The following MINDY4 variants were observed in gnomAD, a reference collection of about 807,000 sequenced individuals.
MINDY4 encodes MINDY lysine 48 deubiquitinase 4, also known as probable ubiquitin carboxyl-terminal hydrolase MINDY-4.
A neutral mutation model predicts 87.0 loss-of-function variants in MINDY4; 68 were observed. That is an observed-to-expected ratio of 0.78 (90% CI 0.64 to 0.96). MINDY4 has a LOEUF of 0.96. MINDY4 is among the 40% of genes least tolerant of loss of function. The pLI, the probability that MINDY4 is intolerant of heterozygous loss-of-function variation, is 0.00. For missense variants in MINDY4, 919 were observed against 928.2 expected, an observed-to-expected ratio of 0.99 and a Z score of 0.13; for synonymous variants, 379 against 363.2, an observed-to-expected ratio of 1.04 and a Z score of -0.50.
At chr7:30,889,929 A>G (rs1286498052) in intron 17 of MINDY4, among the ~76,000 whole-genome samples, 1 of 152,224 alleles carries the variant, frequency 6.6e-6, no homozygotes, top group Non-Finnish European at 1.5e-5. Context: ...TTGCACATCC[A>G]GATCTGTTTC....
intron 5 of MINDY4, among the ~76,000 whole-genome samples, chr7:30,812,480 C>T (rs866908534): frequency 6.6e-6 from 1 of 152,106 alleles, no homozygotes; most frequent in African/African-American, 2.4e-5. Flanking sequence ...GGATCTATCT[C>T]TTATCTCTGG....
At chr7:30,844,838 G>C (rs141052324) in intron 9 of MINDY4, among the ~76,000 whole-genome samples, 1 of 152,200 alleles carries the variant, frequency 6.6e-6, no homozygotes, top group African/African-American at 2.4e-5. Context: ...CACTTTCTCC[G>C]TTTGTGAACT....
At chr7:30,798,150 A>G (rs753257825) in intron 5 of MINDY4, among the ~76,000 whole-genome samples, 8 of 152,182 alleles carry the variant, frequency 5.3e-5, no homozygotes, top group Non-Finnish European at 1.2e-4. Context: ...CCTGGACAGC[A>G]TGTTGCCGTA....
intron 5 of MINDY4, among the ~76,000 whole-genome samples, chr7:30,822,438 T>G (rs2128561102): frequency 6.6e-6 from 1 of 152,282 alleles, no homozygotes; most frequent in South Asian, 2.1e-4. Flanking sequence ...CCTAAAGTGT[T>G]GGGATTACAG....
Position 30,877,822 on chromosome 7 carries a change from C to CTTTT in MINDY4, c.1971+2199_1971+2202dup, listed in dbSNP as rs60164229. On this transcript the variant is annotated intron_variant, in intron 15 of 17. Transcript: ENST00000265299. ...GAGTAGCTGGGATTACAGGGACATG[C>CTTTT]TTTTTTTTTTTTTTTTTTTTTTTTT... Among the ~76,000 whole-genome samples, 13 of 47,542 alleles carry CTTTT rather than the reference C, an allele frequency of 2.7e-4. 4 individuals are homozygous for CTTTT. Among genetic ancestry groups the CTTTT allele is most frequent in the Non-Finnish European group, 5.3e-4 (12 of 22,536 alleles). 31.2% of individuals were successfully genotyped at this position (47,542 alleles called of 152,430 possible). A position where few individuals can be genotyped will look rare whatever the true frequency, so the allele number is the denominator to read the frequency against.
chr7:30,890,043 G>T (rs541467632), intron 17 of MINDY4, among the ~76,000 whole-genome samples: 1 of 152,324 alleles, frequency 6.6e-6, no homozygotes, highest in Non-Finnish European at 1.5e-5. Context: ...TTGCCAAAAG[G>T]CCATACAACC....
At chr7:30,853,894 G>T (rs1325447442) in intron 12 of MINDY4, among the ~76,000 whole-genome samples, 2 of 152,238 alleles carry the variant, frequency 1.3e-5, no homozygotes, top group Non-Finnish European at 2.9e-5. Context: ...CTTCTTGGGT[G>T]GGTTGGAGGG....
chr7:30,772,866 G>C (rs545260532), intron 1 of MINDY4, among the ~76,000 whole-genome samples: 2 of 152,114 alleles, frequency 1.3e-5, no homozygotes, highest in South Asian at 4.2e-4. Flanking sequence ...GGGCTTCCTC[G>C]TGTTCTTTCT....
intron 17 of MINDY4, 23 bp from the exon 18 acceptor site, chr7:30,891,934 C>T (rs1288551058): frequency 1.2e-5 from 20 of 1,613,728 alleles, no homozygotes; most frequent in Non-Finnish European, 1.7e-5. Context: ...CTCTCTTTGT[C>T]TCTCTCCTCA....
chr7:30,844,814 T>G (rs1789154814), intron 9 of MINDY4, among the ~76,000 whole-genome samples: 1 of 152,110 alleles, frequency 6.6e-6, no homozygotes, highest in Admixed American at 6.5e-5. Flanking sequence ...TATGGTTGTG[T>G]GGAAACAGAG....
intron 14 of MINDY4, 55 bp downstream of exon 14, chr7:30,872,361 G>A (rs1790133262): frequency 4.6e-6 from 7 of 1,531,214 alleles, no homozygotes. Flanking sequence ...GTCCCTCAGA[G>A]AGGGAGAGGT....
rs185755230 is a variant in MINDY4, at chr7:30,772,537, T to C, written c.63+981T>C. Among the ~76,000 whole-genome samples, 3 of 152,320 alleles carry C rather than the reference T, an allele frequency of 2.0e-5. No individual in the cohort carries two copies. The East Asian group carries it at 5.8e-4, about 29-fold the overall frequency. On this transcript the variant is annotated intron_variant, in intron 1 of 17. Transcript: ENST00000265299. ...TAACATATGGGCAGCTTCCAAGCAT[T>C]GGATCTGACATATAGATACAATGTG... is the stretch of plus-strand genomic sequence containing the variant.
At chr7:30,836,217 T>C (rs1008333443) in intron 6 of MINDY4, among the ~76,000 whole-genome samples, 4 of 152,270 alleles carry the variant, frequency 2.6e-5, no homozygotes, top group African/African-American at 9.6e-5. Flanking sequence ...GGTTCCATTT[T>C]CTTTCCCAGT....
intron 5 of MINDY4, among the ~76,000 whole-genome samples, chr7:30,793,529 C>T (rs1584245194): frequency 1.3e-5 from 2 of 151,956 alleles, no homozygotes; most frequent in Non-Finnish European, 2.9e-5. Flanking sequence ...AATCCTCCCA[C>T]CTTAGCTTCC....
intron 15 of MINDY4, among the ~76,000 whole-genome samples, chr7:30,877,299 G>T (rs1419888552): frequency 1.3e-5 from 2 of 152,196 alleles, no homozygotes; most frequent in East Asian, 3.8e-4. Flanking sequence ...TGGGTCGAGG[G>T]CGTTGGTCAG....
chr7:30,816,583 CG>C (rs1221714815), intron 5 of MINDY4, among the ~76,000 whole-genome samples: 2 of 152,202 alleles, frequency 1.3e-5, no homozygotes, highest in East Asian at 3.9e-4. Context: ...CAGGAGGATG[CG>C]GGGCCATCCG....
intron 4 of MINDY4, among the ~76,000 whole-genome samples, chr7:30,788,630 A>G (rs12665941): frequency 0.039 from 5,929 of 152,244 alleles, 223 homozygotes; most frequent in East Asian, 0.17. Context: ...AAAATACACT[A>G]TTTGTTTCCC....
At chr7:30,800,503 A>G (rs866232832) in intron 5 of MINDY4, among the ~76,000 whole-genome samples, 10 of 151,782 alleles carry the variant, frequency 6.6e-5, no homozygotes, top group African/African-American at 2.4e-4. Flanking sequence ...ATGCCAGTGC[A>G]TGATATGGTT....
intron 3 of MINDY4, among the ~76,000 whole-genome samples, chr7:30,783,080 G>C (rs1787052554): frequency 6.6e-6 from 1 of 152,206 alleles, no homozygotes; most frequent in South Asian, 2.1e-4. Flanking sequence ...TTCTCTTACA[G>C]TTCTGGAGGT....
Sources: allele counts gnomAD v4.1 joint callset (sites outside exome capture counted in the v4.1 genomes callset), GRCh38; gene constraint gnomAD v4.1.1; transcripts MANE v1.5; gene names NCBI Gene and HGNC (gene_info 2026-07-23, HGNC 2026-07-21).